The following LRP1B variants were observed in gnomAD, a reference collection of about 807,000 sequenced individuals.
LRP1B encodes the protein LDL receptor related protein 1B.
A neutral mutation model predicts 556.6 loss-of-function variants in LRP1B; 217 were observed. The observed-to-expected ratio is 0.39, with a 90% CI of 0.35 to 0.44. The LOEUF is 0.44. Ranked by LOEUF, LRP1B falls within the 20% of genes least tolerant of loss-of-function variation. The probability of loss-of-function intolerance (pLI) is 1.00; values close to 1 mark genes in which losing one functional copy is unlikely to be tolerated. For missense variants in LRP1B, 5,053 were observed against 5,620.8 expected (o/e 0.90, Z 3.23); for synonymous variants, 2,047 against 1,865.8 (o/e 1.10, Z -2.50).
intron 3 of LRP1B, among the ~76,000 whole-genome samples, chr2:141,286,147 G>C (rs1386460741): frequency 1.3e-5 from 2 of 151,022 alleles, no homozygotes; most frequent in African/African-American, 4.9e-5. Context: ...TTCTATTCTT[G>C]GATTGCTGAA....
chr2:140,297,975 G>T lies in LRP1B; in HGVS notation c.12806-6C>A. 1.3e-6 allele frequency: 2 copies of T among 1,583,190 alleles called. No homozygotes were observed. Among genetic ancestry groups the T allele is most frequent in the Non-Finnish European group, 8.6e-7 (1 of 1,158,990 alleles). On this transcript the variant is annotated splice_region_variant and splice_polypyrimidine_tract_variant and intron_variant, in intron 83 of 90. Transcript: ENST00000389484. ...ACAGCTGCAGGTGGGTCTCCCTATT[G>T]GAAACAATAAGTAATAAAAAGCAAA...
chr2:141,208,486 A>G (rs1682380920), intron 6 of LRP1B: 1 of 152,240 alleles, frequency 6.6e-6, no homozygotes, highest in Non-Finnish European at 1.5e-5. Flanking sequence ...ACTGCGCCAC[A>G]ACCAGAAAAG....
chr2:140,762,568 C>T (rs1263113260), intron 35 of LRP1B, among the ~76,000 whole-genome samples: 1 of 151,910 alleles, frequency 6.6e-6, no homozygotes, highest in Non-Finnish European at 1.5e-5. Context: ...TCAATTTCTG[C>T]CAAGTTCCTA....
At chr2:142,119,123 A>T (rs4662396) in intron 1 of LRP1B, among the ~76,000 whole-genome samples, 29 of 151,936 alleles carry the variant, frequency 1.9e-4, no homozygotes, top group African/African-American at 7.0e-4. Flanking sequence ...GCATTTCTAA[A>T]ATTTTAAATG....
At chr2:141,068,851 A>G (rs1406101125) in intron 7 of LRP1B, among the ~76,000 whole-genome samples, 1 of 152,048 alleles carries the variant, frequency 6.6e-6, no homozygotes. Flanking sequence ...AATATTTCAT[A>G]TTAAAATTTT....
chr2:140,941,955 C>T (rs541017634), intron 20 of LRP1B, among the ~76,000 whole-genome samples: 2 of 152,072 alleles, frequency 1.3e-5, no homozygotes, highest in Non-Finnish European at 2.9e-5. Context: ...ATGACAATGT[C>T]TAAAATGACA....
intron 3 of LRP1B, among the ~76,000 whole-genome samples, chr2:141,382,301 C>T (rs187439175): frequency 6.6e-6 from 1 of 152,328 alleles, no homozygotes; most frequent in East Asian, 1.9e-4. Flanking sequence ...ATTCATAGCC[C>T]AGTAGTCTAA....
intron 65 of LRP1B, among the ~76,000 whole-genome samples, chr2:140,444,001 A>G (rs1021178819): frequency 6.6e-6 from 1 of 152,186 alleles, no homozygotes; most frequent in Admixed American, 6.5e-5. Context: ...ACTTGTATCT[A>G]CTTAATATGG....
intron 7 of LRP1B, among the ~76,000 whole-genome samples, chr2:141,161,139 GA>G (rs1324376574): frequency 1.3e-5 from 2 of 151,968 alleles, no homozygotes; most frequent in African/African-American, 2.4e-5. Flanking sequence ...TAAAATAGAA[GA>G]AAATTAGTGC....
intron 31 of LRP1B, among the ~76,000 whole-genome samples, chr2:140,818,016 G>A (rs115190098): frequency 0.019 from 2,870 of 152,110 alleles, 86 homozygotes; most frequent in African/African-American, 0.066. Flanking sequence ...AAATATCTCT[G>A]CAGGTAATTT....
intron 3 of LRP1B, among the ~76,000 whole-genome samples, chr2:141,448,568 C>A (rs1472330262): frequency 6.6e-6 from 1 of 152,124 alleles, no homozygotes; most frequent in Non-Finnish European, 1.5e-5. Flanking sequence ...TTGCGAAGAC[C>A]ATGGCAAAAG....
At chr2:141,111,398 C>T (rs7599578) in intron 7 of LRP1B, among the ~76,000 whole-genome samples, 34,950 of 151,960 alleles carry the variant, frequency 0.23, 4,598 homozygotes, top group East Asian at 0.51. Context: ...TGTTTACTTG[C>T]TTATATTTAT....
chr2:140,298,075 G>A, intron 83 of LRP1B, 106 bp from the exon 84 acceptor site: 1 of 1,024,258 alleles, frequency 9.8e-7, no homozygotes, highest in Non-Finnish European at 1.4e-6. Context: ...TCTGGTCAAG[G>A]TCTGTCCATG....
At chr2:140,896,278 A>T (rs2105211389) in intron 23 of LRP1B, among the ~76,000 whole-genome samples, 1 of 152,206 alleles carries the variant, frequency 6.6e-6, no homozygotes, top group Admixed American at 6.5e-5. Flanking sequence ...TTAAATAGAA[A>T]ATAAAAATTA....
chr2:141,714,999 C>G (rs186553846), intron 2 of LRP1B, among the ~76,000 whole-genome samples: 1 of 152,144 alleles, frequency 6.6e-6, no homozygotes, highest in East Asian at 1.9e-4. Context: ...TTGCTTTATA[C>G]TAATTTTTTC....
At chr2:141,121,445 T>C (rs906303323) in intron 7 of LRP1B, among the ~76,000 whole-genome samples, 1 of 151,974 alleles carries the variant, frequency 6.6e-6, no homozygotes, top group Admixed American at 6.6e-5. Flanking sequence ...GCCATTCTTA[T>C]ACACCAATAA....
chr2:141,271,553 T>C (rs929471289), intron 3 of LRP1B, among the ~76,000 whole-genome samples: 2 of 151,754 alleles, frequency 1.3e-5, no homozygotes, highest in Non-Finnish European at 2.9e-5. Flanking sequence ...TATTGGAACC[T>C]ATGGAGGTCA....
At chr2:141,652,208 T>A (rs1689820221) in intron 2 of LRP1B, among the ~76,000 whole-genome samples, 2 of 152,292 alleles carry the variant, frequency 1.3e-5, no homozygotes, top group Middle Eastern at 3.4e-3. Flanking sequence ...TCTTTTACGC[T>A]TTCTCATTGA....
chr2:141,604,715 G>T (rs1043041483), intron 2 of LRP1B, among the ~76,000 whole-genome samples: 1 of 151,898 alleles, frequency 6.6e-6, no homozygotes, highest in African/African-American at 2.4e-5. Context: ...CCTATTCTGA[G>T]CCCACAAAAG....
Sources: gnomAD v4.1 joint callset for allele counts (sites outside exome capture counted in the v4.1 genomes callset) on GRCh38, gnomAD v4.1.1 for gene constraint, MANE v1.5 for transcripts, NCBI Gene and HGNC (gene_info 2026-07-23, HGNC 2026-07-21) for gene names.